Variants in MTARC2 observed in about 807,000 individuals in gnomAD.
The protein encoded by MTARC2 is MOCO sulphurase C-terminal domain containing 2.
MTARC2 carries 27 observed loss-of-function variants against 35.6 expected under a neutral mutation model. The ratio of observed to expected loss-of-function variants is 0.76; its 90% CI spans 0.56 to 1.04. The LOEUF is 1.04. Ranked by LOEUF, MTARC2 falls within the 50% of genes least tolerant of loss-of-function variation. The probability of loss-of-function intolerance (pLI) is 0.00; values close to 1 mark genes in which losing one functional copy is unlikely to be tolerated. For missense variants in MTARC2, 412 were observed against 432.5 expected (o/e 0.95, Z 0.42); for synonymous variants, 158 against 167.1 (o/e 0.95, Z 0.42).
intron 2 of MTARC2, among the ~76,000 whole-genome samples, chr1:220,761,097 C>A (rs1206992544): frequency 6.6e-6 from 1 of 152,148 alleles, no homozygotes; most frequent in Non-Finnish European, 1.5e-5. Context: ...AGCAAGAAAA[C>A]CTTGAGGGCC....
chr1:220,748,448 C>A lies in MTARC2; in HGVS notation c.-84C>A, dbSNP rs565232205. 4.4e-5 allele frequency: 57 copies of A among 1,295,918 alleles called. No homozygotes were observed. In the African/African-American group the frequency reaches 8.1e-4, roughly 18 times the overall value. 80.3% of individuals were successfully genotyped at this position (1,295,918 alleles called of 1,614,324 possible). On this transcript the variant is annotated 5_prime_UTR_variant, in exon 1 of 8. Coordinates refer to ENST00000366913, the MANE Select transcript of MTARC2 (RefSeq NM_017898.5). ...TCAACTTTGACTCCTCTCGCCTGCC[C>A]GGATCCTTAAGGGCCTCCTCGTCCT...
At chr1:220,769,670 A>G (rs1198300305) in intron 4 of MTARC2, among the ~76,000 whole-genome samples, 1 of 151,948 alleles carries the variant, frequency 6.6e-6, no homozygotes, top group Admixed American at 6.6e-5. Context: ...TCTGAAAGTT[A>G]ACAGGTTCTA....
chr1:220,757,211 T>C (rs1045597076), intron 2 of MTARC2, among the ~76,000 whole-genome samples: 1 of 152,246 alleles, frequency 6.6e-6, no homozygotes, highest in Non-Finnish European at 1.5e-5. Flanking sequence ...CTGAAGCCTC[T>C]TCTTATGTAA....
At chr1:220,776,045 T>G (rs1171710482) in intron 4 of MTARC2, among the ~76,000 whole-genome samples, 2 of 152,250 alleles carry the variant, frequency 1.3e-5, no homozygotes, top group East Asian at 3.8e-4. Context: ...ATATACCCAG[T>G]AATGGGATTG....
chr1:220,755,615 G>A (rs1671256533), intron 2 of MTARC2, among the ~76,000 whole-genome samples: 1 of 152,108 alleles, frequency 6.6e-6, no homozygotes, highest in Non-Finnish European at 1.5e-5. Flanking sequence ...TGGCTCTAGG[G>A]TTGACTAGGG....
chr1:220,774,553 A>T (rs570746938), intron 4 of MTARC2, among the ~76,000 whole-genome samples: 3,610 of 152,298 alleles, frequency 0.024, 108 homozygotes, highest in African/African-American at 0.064. Context: ...AGTGAAAGTG[A>T]GGCGCCAGTC....
At chr1:220,761,531 A>G in intron 2 of MTARC2, 127 bp from the exon 3 acceptor site, 2 of 837,078 alleles carry the variant, frequency 2.4e-6, no homozygotes, top group Non-Finnish European at 1.8e-6. Context: ...CCCAGCTTTG[A>G]CCCAGGGACC....
intron 4 of MTARC2, among the ~76,000 whole-genome samples, chr1:220,774,345 A>C (rs777621836): frequency 6.6e-6 from 1 of 152,172 alleles, no homozygotes; most frequent in Non-Finnish European, 1.5e-5. Context: ...ATATTTAGCC[A>C]GTCTCCAGGA....
intron 4 of MTARC2, among the ~76,000 whole-genome samples, chr1:220,772,771 C>T (rs900316387): frequency 2.0e-5 from 3 of 151,848 alleles, no homozygotes; most frequent in Non-Finnish European, 2.9e-5. Flanking sequence ...GATCCAATTG[C>T]GGGAACCATG....
Position 220,775,119 on chromosome 1 carries a change from A to G in MTARC2, c.751-4899A>G, listed in dbSNP as rs528677104. Among the ~76,000 whole-genome samples the G allele has an allele frequency of 8.8e-4, 134 of 152,282 alleles. No individual in the cohort carries two copies. The Middle Eastern group carries it at 0.014, about 15-fold the overall frequency. ...ATCTATGAAGGTTTCAAACAGACAA[A>G]CACCCTCAGTTGTGTGTTCCACAAC... On this transcript the variant is annotated intron_variant, in intron 4 of 7. Transcript: ENST00000366913.
intron 2 of MTARC2, 100 bp from the exon 3 acceptor site, chr1:220,761,558 G>A: frequency 1.7e-6 from 2 of 1,185,228 alleles, no homozygotes; most frequent in Non-Finnish European, 2.3e-6. Flanking sequence ...CAGCCCTCTG[G>A]GATGGTCAGG....
intron 4 of MTARC2, among the ~76,000 whole-genome samples, chr1:220,776,636 A>G (rs950797895): frequency 1.3e-5 from 2 of 152,194 alleles, no homozygotes; most frequent in African/African-American, 4.8e-5. Context: ...GACGATTCTT[A>G]CGAATCCAGA....
At chr1:220,756,803 G>A (rs1671292839) in intron 2 of MTARC2, among the ~76,000 whole-genome samples, 1 of 152,228 alleles carries the variant, frequency 6.6e-6, no homozygotes, top group African/African-American at 2.4e-5. Context: ...CAGAAATCTA[G>A]GGGGACACTC....
rs1277555365 is a variant in MTARC2 at position 220,784,138 on chromosome 1, ATAAT to A, written c.*255_*258del. The stretch of plus-strand genomic sequence containing the variant: ...ATTTTAGGTACTGAAGGCTTTAAAA[ATAAT>A]TAAGATCATCAAAAATGCTATTTTG... On this transcript the variant is annotated 3_prime_UTR_variant, in exon 8 of 8. Coordinates refer to ENST00000366913, the MANE Select transcript of MTARC2 (RefSeq NM_017898.5). The A allele has an allele frequency of 4.1e-6, 2 of 483,322 alleles. No individual in the cohort carries two copies. The highest frequency in any genetic ancestry group is 7.5e-6 in the Non-Finnish European group (2 of 267,036). 29.9% of individuals were successfully genotyped at this position (483,322 alleles called of 1,614,324 possible).
chr1:220,757,522 T>C (rs1046077561), intron 2 of MTARC2, among the ~76,000 whole-genome samples: 16 of 152,218 alleles, frequency 1.1e-4, no homozygotes, highest in African/African-American at 3.9e-4. Flanking sequence ...CTTAAACAAC[T>C]GACATTTATT....
chr1:220,751,941 GC>G (rs1190160296), intron 1 of MTARC2, among the ~76,000 whole-genome samples: 1 of 152,200 alleles, frequency 6.6e-6, no homozygotes, highest in Non-Finnish European at 1.5e-5. Context: ...AAATAATATT[GC>G]CCAGGTTGAC....
chr1:220,774,472 A>C (rs1015847792), intron 4 of MTARC2, among the ~76,000 whole-genome samples: 4 of 152,216 alleles, frequency 2.6e-5, no homozygotes, highest in Admixed American at 2.6e-4. Flanking sequence ...ATCACAAAAT[A>C]GTTTAAAGTT....
At chr1:220,776,439 TTTA>T (rs1386221088) in intron 4 of MTARC2, among the ~76,000 whole-genome samples, 2 of 152,116 alleles carry the variant, frequency 1.3e-5, no homozygotes, top group African/African-American at 4.8e-5. Context: ...TAGTATATAA[TTTA>T]TTATTTTAAA....
At chr1:220,759,784 C>T (rs1671391920) in intron 2 of MTARC2, among the ~76,000 whole-genome samples, 1 of 152,024 alleles carries the variant, frequency 6.6e-6, no homozygotes, top group African/African-American at 2.4e-5. Flanking sequence ...GAAACAGTGG[C>T]TTCGAGAAGG....
Sources: allele counts gnomAD v4.1 joint callset (sites outside exome capture counted in the v4.1 genomes callset), GRCh38; gene constraint gnomAD v4.1.1; transcripts MANE v1.5; gene names NCBI Gene and HGNC (gene_info 2026-07-23, HGNC 2026-07-21).